ACTN4: variants seen among roughly 807,000 people sequenced by gnomAD.
The protein encoded by ACTN4 is actinin alpha 4.
Under a neutral mutation model 114.2 loss-of-function variants are expected in ACTN4, and 18 were observed. That is an observed-to-expected ratio of 0.16 (90% CI 0.11 to 0.23). The LOEUF is 0.23. Among genes scored for constraint, ACTN4 ranks in the 10% least tolerant of loss-of-function variants. The pLI is 1.00. For missense variants in ACTN4, 722 were observed against 1,262.9 expected, an observed-to-expected ratio of 0.57 and a Z score of 6.49; for synonymous variants, 515 against 506.3, an observed-to-expected ratio of 1.02 and a Z score of -0.23.
chr19:38,721,000 G>A (rs1167400476), intron 11 of ACTN4, among the ~76,000 whole-genome samples: 1 of 152,214 alleles, frequency 6.6e-6, no homozygotes, highest in African/African-American at 2.4e-5. Flanking sequence ...CCTTTAAAGG[G>A]CCTGATGGTG....
chr19:38,728,410 G>GCTGCTCCTC (rs1969324467), intron 19 of ACTN4: 3 of 772,096 alleles, frequency 3.9e-6, no homozygotes, highest in Admixed American at 6.8e-5. Context: ...CCAGCCACCC[G>GCTGCTCCTC]CTCCTCCTCC....
Position 38,730,587 on chromosome 19 carries a change from AGAGCCAGGGCAGAGCTAGCACTGT to A in ACTN4, c.*1156_*1179del. On this transcript the variant is annotated 3_prime_UTR_variant, in exon 21 of 21. Transcript: ENST00000252699. ...CTGTGTCTGTCCTCCACCTTCTAGG[AGAGCCAGGGCAGAGCTAGCACTGT>A]CTTAAGCTGTCAACGTGGACTAGCT... 15 of 563,500 alleles carry A rather than the reference AGAGCCAGGGCAGAGCTAGCACTGT, an allele frequency of 2.7e-5. No individual in the cohort carries two copies. Among genetic ancestry groups the A allele is most frequent in the Non-Finnish European group, 2.5e-5 (8 of 315,358 alleles). 34.9% of individuals were successfully genotyped at this position (563,500 alleles called of 1,614,324 possible). A position where few individuals can be genotyped will look rare whatever the true frequency, so the allele number is the denominator to read the frequency against.
At chr19:38,668,622 G>A (rs1040716853) in intron 1 of ACTN4, among the ~76,000 whole-genome samples, 5 of 152,126 alleles carry the variant, frequency 3.3e-5, no homozygotes, top group Non-Finnish European at 7.3e-5. Context: ...AGAGGCGGAG[G>A]TTGCAGTGAG....
At chr19:38,728,894 CCTA>C in intron 19 of ACTN4, 99 bp from the exon 20 acceptor site, 1 of 1,478,798 alleles carries the variant, frequency 6.8e-7, no homozygotes, top group Non-Finnish European at 9.4e-7. Context: ...TGGGTTGGGC[CCTA>C]CTCTCTCGGC....
intron 3 of ACTN4, 35 bp downstream of exon 3, chr19:38,701,156 G>A (rs937487490): frequency 2.5e-6 from 4 of 1,612,936 alleles, no homozygotes; most frequent in Non-Finnish European, 3.4e-6. Context: ...GGTCCTGCTC[G>A]GTTTCTGACC....
intron 11 of ACTN4, among the ~76,000 whole-genome samples, chr19:38,719,393 C>T (rs1041207991): frequency 1.3e-5 from 2 of 152,388 alleles, no homozygotes; most frequent in African/African-American, 4.8e-5. Flanking sequence ...ACACGGCCTG[C>T]AGCCCTGGCC....
chr19:38,694,885 G>GA (rs1161689373), intron 1 of ACTN4, among the ~76,000 whole-genome samples: 1 of 151,936 alleles, frequency 6.6e-6, no homozygotes, highest in Non-Finnish European at 1.5e-5. Context: ...TTTGCGGGGG[G>GA]GCGGGTTGAG....
At chr19:38,679,327 T>G (rs1967475148) in intron 1 of ACTN4, among the ~76,000 whole-genome samples, 1 of 152,060 alleles carries the variant, frequency 6.6e-6, no homozygotes, top group Admixed American at 6.5e-5. Context: ...ACCTCCAGTG[T>G]GCCCGGCACT....
Position 38,717,844 on chromosome 19 carries a change from T to G in ACTN4, c.1144-83T>G. On this transcript the variant is annotated intron_variant, in intron 10 of 20. Coordinates refer to ENST00000252699, the MANE Select transcript of ACTN4 (RefSeq NM_004924.6). This position sits in a 1 kb window ranked among gnomAD's most constrained non-coding sequence, Gnocchi z 4.0. ...ATGACCCCAGCCAAGTTCTGCCACCTTCCCATCAGCATCCCTTGGAGACAT... is the reference window on the plus strand; with the variant it reads ...ATGACCCCAGCCAAGTTCTGCCACCGTCCCATCAGCATCCCTTGGAGACAT... 1 of 1,536,698 alleles carries G rather than the reference T, an allele frequency of 6.5e-7. No individual in the cohort carries two copies. Among genetic ancestry groups the G allele is most frequent in the Non-Finnish European group, 8.8e-7 (1 of 1,136,462 alleles).
chr19:38,656,821 C>T (rs1976725866), intron 1 of ACTN4, among the ~76,000 whole-genome samples: 1 of 152,126 alleles, frequency 6.6e-6, no homozygotes, highest in Non-Finnish European at 1.5e-5. Context: ...CTGTCACTAG[C>T]TTTCTAGTGG....
chr19:38,717,342 C>T lies in ACTN4; in HGVS notation c.1143+26C>T, dbSNP rs776504253. The stretch of plus-strand genomic sequence containing the variant: ...GTGAGCACCAGGATTCACATGGGAG[C>T]AGCTGTGAGGGGCAGAGGCAGCCCT... On this transcript the variant is annotated intron_variant, in intron 10 of 20. Transcript: ENST00000252699. The surrounding 1 kb of genome is among the most constrained non-coding windows in gnomAD (Gnocchi z 4.0). The T allele has an allele frequency of 1.7e-5, 28 of 1,609,686 alleles. 1 individual carries two copies. The Admixed American group carries it at 4.2e-4, about 24-fold the overall frequency.
intron 1 of ACTN4, among the ~76,000 whole-genome samples, chr19:38,687,634 C>T (rs1219030044): frequency 6.6e-6 from 1 of 152,156 alleles, no homozygotes; most frequent in East Asian, 1.9e-4. Context: ...AAAATTAACT[C>T]CAAACGGATC....
intron 1 of ACTN4, among the ~76,000 whole-genome samples, chr19:38,680,437 C>T (rs533726126): frequency 4.1e-4 from 62 of 152,038 alleles, no homozygotes; most frequent in African/African-American, 1.4e-3. Context: ...GCCTTTGGCT[C>T]CCAGATTGCT....
At chr19:38,688,374 G>A (rs1405390560) in intron 1 of ACTN4, among the ~76,000 whole-genome samples, 2 of 100,488 alleles carry the variant, frequency 2.0e-5, no homozygotes, top group Non-Finnish European at 3.8e-5. Flanking sequence ...CATGGTGAAT[G>A]AAACCTTGTC....
intron 1 of ACTN4, among the ~76,000 whole-genome samples, chr19:38,678,964 G>A (rs1414816647): frequency 6.6e-6 from 1 of 152,226 alleles, no homozygotes; most frequent in Non-Finnish European, 1.5e-5. Context: ...TTGCCCAGCG[G>A]CCTTTGCAGG....
At chr19:38,723,591 A>G (rs1245058227) in intron 12 of ACTN4, 23 bp from the exon 13 acceptor site, 1 of 1,571,634 alleles carries the variant, frequency 6.4e-7, no homozygotes, top group East Asian at 2.3e-5. Flanking sequence ...GCCGAGTCTC[A>G]TTGCTCTCTG....
intron 1 of ACTN4, among the ~76,000 whole-genome samples, chr19:38,653,775 G>A (rs563454850): frequency 6.6e-6 from 1 of 152,008 alleles, no homozygotes; most frequent in African/African-American, 2.4e-5. Context: ...TTTTTCCTCC[G>A]TTTCTTTTTT....
chr19:38,679,545 G>A (rs139767939), intron 1 of ACTN4, among the ~76,000 whole-genome samples: 167 of 149,820 alleles, frequency 1.1e-3, no homozygotes, highest in African/African-American at 3.9e-3. Flanking sequence ...TTACCCATAC[G>A]TGCTCAAATA....
intron 19 of ACTN4, 30 bp downstream of exon 19, chr19:38,728,056 G>A: frequency 6.3e-7 from 1 of 1,585,904 alleles, no homozygotes; most frequent in South Asian, 1.1e-5. Context: ...AGCGGACCAT[G>A]GCATTAACTG....
Sources: allele counts gnomAD v4.1 joint callset (sites outside exome capture counted in the v4.1 genomes callset), GRCh38; gene constraint gnomAD v4.1.1; non-coding constraint Gnocchi (gnomAD v3.1); transcripts MANE v1.5; gene names NCBI Gene and HGNC (gene_info 2026-07-23, HGNC 2026-07-21).